The following FBXO11 variants were observed in gnomAD, a reference collection of about 807,000 sequenced individuals.
The protein encoded by FBXO11 is F-box protein 11.
A neutral mutation model predicts 117.0 loss-of-function variants in FBXO11; 13 were observed. The ratio of observed to expected loss-of-function variants is 0.11; its 90% confidence interval spans 0.07 to 0.18. FBXO11 has a LOEUF of 0.18. Ranked by LOEUF, FBXO11 falls within the 10% of genes least tolerant of loss-of-function variation. The pLI, the probability that FBXO11 is intolerant of heterozygous loss-of-function variation, is 1.00. For missense variants in FBXO11, 767 were observed against 1,164.4 expected (o/e 0.66, Z 4.97); for synonymous variants, 490 against 380.5 (o/e 1.29, Z -3.35).
At chr2:47,813,760 A>G in intron 17 of FBXO11, 31 bp downstream of exon 17, 1 of 1,430,960 alleles carries the variant, frequency 7.0e-7, no homozygotes, top group East Asian at 2.4e-5. Context: ...AAGTTTATTA[A>G]CACAGAAAAA....
At chr2:47,874,079 T>C (rs1675819144) in intron 1 of FBXO11, among the ~76,000 whole-genome samples, 1 of 152,116 alleles carries the variant, frequency 6.6e-6, no homozygotes, top group Admixed American at 6.5e-5. Flanking sequence ...CCGACTATGG[T>C]GGCGGGCACC....
At chr2:47,854,660 T>C (rs372232229) in intron 1 of FBXO11, among the ~76,000 whole-genome samples, 77 of 152,120 alleles carry the variant, frequency 5.1e-4, no homozygotes, top group African/African-American at 1.8e-3. Flanking sequence ...ATGTGGAAGT[T>C]TGGTTAAAAC....
chr2:47,845,079 C>T (rs1415404809), intron 1 of FBXO11, among the ~76,000 whole-genome samples: 1 of 152,182 alleles, frequency 6.6e-6, no homozygotes, highest in African/African-American at 2.4e-5. Context: ...TCATCCTATA[C>T]AACTCCCTCC....
In FBXO11 at chr2:47,813,392, A is replaced by ATAC; in HGVS notation, c.2084-16_2084-15insGTA. Reference sequence around the variant, plus strand: ...ACAGCCTAGACCTATAAATGCAAAAATGTAGGTTATCTAGAAGGTATATTT... The same window carrying ATAC: ...ACAGCCTAGACCTATAAATGCAAAAATACTGTAGGTTATCTAGAAGGTATATTT... On this transcript the variant is annotated splice_polypyrimidine_tract_variant and intron_variant, in intron 17 of 22. Transcript: ENST00000403359. The ATAC allele has an allele frequency of 1.3e-5, 19 of 1,430,138 alleles. No individual in the cohort carries two copies. Among genetic ancestry groups the ATAC allele is most frequent in the Non-Finnish European group, 1.7e-5 (18 of 1,051,126 alleles). The allele number at this position is 1,430,138 out of a possible 1,614,324, so 88.6% of individuals were successfully genotyped here.
At chr2:47,841,006 G>A (rs1214085667) in intron 1 of FBXO11, among the ~76,000 whole-genome samples, 1 of 152,088 alleles carries the variant, frequency 6.6e-6, no homozygotes, top group African/African-American at 2.4e-5. Context: ...AGACCATCCT[G>A]GAAAACACAG....
At chr2:47,831,358 T>G (rs1046011109) in intron 11 of FBXO11, among the ~76,000 whole-genome samples, 7 of 139,846 alleles carry the variant, frequency 5.0e-5, no homozygotes, top group Admixed American at 2.4e-4. Context: ...GAGGTTGCAG[T>G]GAGCCAAGAT....
intron 1 of FBXO11, among the ~76,000 whole-genome samples, chr2:47,904,775 G>A (rs1268139611): frequency 2.0e-5 from 3 of 152,088 alleles, no homozygotes; most frequent in East Asian, 1.9e-4. Flanking sequence ...GAGGGAGGGG[G>A]CTGGAAATGG....
intron 4 of FBXO11, among the ~76,000 whole-genome samples, chr2:47,837,651 GTC>G (rs1276564186): frequency 2.6e-5 from 4 of 152,174 alleles, no homozygotes; most frequent in African/African-American, 9.7e-5. Flanking sequence ...ACTATTAACA[GTC>G]TGCCATATTT....
chr2:47,877,297 T>TA (rs1294374974), intron 1 of FBXO11, among the ~76,000 whole-genome samples: 1 of 152,176 alleles, frequency 6.6e-6, no homozygotes, highest in African/African-American at 2.4e-5. Context: ...CTGAGGATCT[T>TA]AAACATACAC....
At chr2:47,830,216 A>C (rs1208166874) in intron 11 of FBXO11, among the ~76,000 whole-genome samples, 7 of 152,182 alleles carry the variant, frequency 4.6e-5, no homozygotes, top group East Asian at 3.8e-4. Context: ...GAAAGAAAAA[A>C]ACCCAATGTG....
chr2:47,904,668 A>T (rs767157294), intron 1 of FBXO11, among the ~76,000 whole-genome samples: 12 of 152,038 alleles, frequency 7.9e-5, no homozygotes, highest in Non-Finnish European at 1.3e-4. Context: ...TTCAAACCCC[A>T]CTAGGAGACG....
chr2:47,859,684 C>G lies in FBXO11; in HGVS notation c.233-19915G>C, dbSNP rs17037016. ...TTTCAAGGTAGCTGGGGGGTTTACA[C>G]CCTTCAAGCACTGAAACAGAATTTT... On this transcript the variant is annotated intron_variant, in intron 1 of 22. Transcript: ENST00000403359. Among the ~76,000 whole-genome samples, 268 of 152,278 alleles carry G rather than the reference C, an allele frequency of 1.8e-3. 4 individuals are homozygous for G. In the East Asian group the frequency reaches 0.025, roughly 14 times the overall value.
intron 1 of FBXO11, among the ~76,000 whole-genome samples, chr2:47,856,318 G>A (rs1674291623): frequency 6.6e-6 from 1 of 152,126 alleles, no homozygotes; most frequent in South Asian, 2.1e-4. Flanking sequence ...GAAATTACTT[G>A]AAGACATATT....
At chr2:47,877,830 G>A (rs141655428) in intron 1 of FBXO11, among the ~76,000 whole-genome samples, 5 of 152,148 alleles carry the variant, frequency 3.3e-5, no homozygotes, top group Admixed American at 6.5e-5. Flanking sequence ...GATTACAGGC[G>A]CGTGCCAACA....
rs150454246 is a variant in FBXO11, at chr2:47,837,238, A to C, written c.588-1237T>G. Among the ~76,000 whole-genome samples the C allele has an allele frequency of 8.5e-5, 13 of 152,180 alleles. No homozygotes were observed. The East Asian group carries it at 2.5e-3, about 29-fold the overall frequency. ...CTTTGTAATTTTTCTCTTAAATGTA[A>C]GGTGTGGGCCGGGCACAGTGGCCCA... On this transcript the variant is annotated intron_variant, in intron 4 of 22. Coordinates refer to ENST00000403359, the MANE Select transcript of FBXO11 (RefSeq NM_001190274.2).
intron 1 of FBXO11, among the ~76,000 whole-genome samples, chr2:47,896,634 A>G (rs909856680): frequency 1.3e-5 from 2 of 152,106 alleles, no homozygotes; most frequent in African/African-American, 2.4e-5. Flanking sequence ...GCCCCGCCCA[A>G]TTGTTTAATT....
At chr2:47,877,135 T>TCC (rs546531821) in intron 1 of FBXO11, among the ~76,000 whole-genome samples, 186 of 152,082 alleles carry the variant, frequency 1.2e-3, no homozygotes, top group Non-Finnish European at 1.5e-3. Flanking sequence ...TAAGCGATCC[T>TCC]CCCACCTCAG....
At chr2:47,822,019 G>C (rs1399824637) in intron 13 of FBXO11, among the ~76,000 whole-genome samples, 199 bp downstream of exon 13, 24 of 152,136 alleles carry the variant, frequency 1.6e-4, no homozygotes, top group Non-Finnish European at 1.5e-5. Context: ...CCAGAAGTCT[G>C]AGGCTGCTGT....
At chr2:47,847,861 A>G (rs1265654351) in intron 1 of FBXO11, among the ~76,000 whole-genome samples, 1 of 152,226 alleles carries the variant, frequency 6.6e-6, no homozygotes, top group East Asian at 1.9e-4. Context: ...CACAGTGCTC[A>G]TGCCTGTAAT....
Sources: gnomAD v4.1 joint callset for allele counts (sites outside exome capture counted in the v4.1 genomes callset) on GRCh38, gnomAD v4.1.1 for gene constraint, MANE v1.5 for transcripts, NCBI Gene and HGNC (gene_info 2026-07-23, HGNC 2026-07-21) for gene names.